Variants in TYR observed in about 807,000 individuals in gnomAD.
The protein encoded by TYR is tyrosinase, also known as LB24-AB.
A neutral mutation model predicts 51.5 loss-of-function variants in TYR; 58 were observed. The observed-to-expected ratio is 1.13, with a 90% CI of 0.91 to 1.40. TYR has a LOEUF of 1.40. Ranked by LOEUF, TYR falls within the 40% of genes most tolerant of loss-of-function variation. The pLI, the probability that TYR is intolerant of heterozygous loss-of-function variation, is 0.00. For synonymous variants in TYR, 263 were observed against 235.2 expected (o/e 1.12, Z -1.08); for missense variants, 732 against 647.4 (o/e 1.13, Z -1.42).
chr11:89,256,209 C>T (rs1944389292), intron 3 of TYR, among the ~76,000 whole-genome samples: 1 of 151,672 alleles, frequency 6.6e-6, no homozygotes, highest in Admixed American at 6.6e-5. Context: ...TATTGAAAAA[C>T]TTACAAATAT....
At chr11:89,219,256 T>G (rs527711431) in intron 2 of TYR, among the ~76,000 whole-genome samples, 2 of 151,844 alleles carry the variant, frequency 1.3e-5, no homozygotes, top group South Asian at 2.1e-4. Context: ...TAAATTAAAC[T>G]TATATCCAAA....
intron 3 of TYR, among the ~76,000 whole-genome samples, chr11:89,271,673 C>A (rs1215454428): frequency 2.0e-5 from 3 of 151,818 alleles, no homozygotes; most frequent in African/African-American, 7.2e-5. Context: ...TTGACTCTTC[C>A]TTTCAAAAAA....
At chr11:89,230,906 TA>T (rs71052219) in intron 3 of TYR, among the ~76,000 whole-genome samples, 706 of 139,134 alleles carry the variant, frequency 5.1e-3, no homozygotes, top group Middle Eastern at 7.5e-3. Context: ...GAGACTATGT[TA>T]AAAAAAAAAA....
intron 3 of TYR, among the ~76,000 whole-genome samples, chr11:89,275,848 G>T (rs561537197): frequency 6.6e-6 from 1 of 151,980 alleles, no homozygotes; most frequent in African/African-American, 2.4e-5. Flanking sequence ...ATTGGCACAA[G>T]AATAGACTAT....
At chr11:89,255,176 G>C (rs1944375340) in intron 3 of TYR, among the ~76,000 whole-genome samples, 2 of 151,650 alleles carry the variant, frequency 1.3e-5, no homozygotes, top group Non-Finnish European at 3.0e-5. Flanking sequence ...GTCTGAGAGA[G>C]TACTTGATAT....
chr11:89,203,878 A>G (rs1026322636), intron 2 of TYR, among the ~76,000 whole-genome samples: 2 of 152,222 alleles, frequency 1.3e-5, no homozygotes, highest in African/African-American at 4.8e-5. Context: ...AAATTCAAAA[A>G]CAGAAAAACT....
intron 3 of TYR, among the ~76,000 whole-genome samples, chr11:89,275,063 A>G (rs570305489): frequency 2.6e-4 from 40 of 151,818 alleles, no homozygotes; most frequent in Non-Finnish European, 5.2e-4. Context: ...CTACTAAGCC[A>G]GTGATGGTCT....
chr11:89,198,644 T>G (rs535064080), intron 2 of TYR, among the ~76,000 whole-genome samples: 1 of 152,256 alleles, frequency 6.6e-6, no homozygotes, highest in African/African-American at 2.4e-5. Context: ...TTGATTAAAC[T>G]AAAGCACCAT....
chr11:89,244,085 T>C lies in TYR; in HGVS notation c.1184+16115T>C, dbSNP rs565974092. Among the ~76,000 whole-genome samples the C allele has an allele frequency of 2.0e-5, 3 of 152,296 alleles. No individual in the cohort carries two copies. In the East Asian group the frequency reaches 5.8e-4, roughly 29 times the overall value. ...TTTTTTGCAACAGATATGTACATTT[T>C]TGCAATAATATCAAAAATAGAGGCT... On this transcript the variant is annotated intron_variant, in intron 3 of 4. Coordinates refer to ENST00000263321, the MANE Select transcript of TYR (RefSeq NM_000372.5).
intron 2 of TYR, among the ~76,000 whole-genome samples, chr11:89,212,080 A>T (rs1342996470): frequency 6.6e-6 from 1 of 151,800 alleles, no homozygotes; most frequent in African/African-American, 2.4e-5. Flanking sequence ...TAGCAGAAGA[A>T]ATAACTAAGA....
chr11:89,195,055 G>A (rs1275987449), intron 2 of TYR, among the ~76,000 whole-genome samples: 1 of 152,124 alleles, frequency 6.6e-6, no homozygotes, highest in Non-Finnish European at 1.5e-5. Flanking sequence ...GGGTGTCTTG[G>A]TCTATAAGGA....
chr11:89,211,338 A>C (rs148227795), intron 2 of TYR, among the ~76,000 whole-genome samples: 1 of 152,048 alleles, frequency 6.6e-6, no homozygotes, highest in Non-Finnish European at 1.5e-5. Flanking sequence ...ACTAACAAAA[A>C]TCAAAAGAAA....
At chr11:89,247,481 T>C (rs1364389436) in intron 3 of TYR, among the ~76,000 whole-genome samples, 5 of 152,208 alleles carry the variant, frequency 3.3e-5, no homozygotes, top group Admixed American at 2.6e-4. Context: ...CTAAAGAATG[T>C]TCCTACAACA....
At chr11:89,210,826 T>A (rs1326245756) in intron 2 of TYR, among the ~76,000 whole-genome samples, 1 of 149,400 alleles carries the variant, frequency 6.7e-6, no homozygotes, top group East Asian at 2.0e-4. Context: ...CATTCTTAAA[T>A]AATTTTCAAC....
rs575793040 is a variant in TYR at position 89,247,365 on chromosome 11, C to T, written c.1184+19395C>T. ...TGATAACTCTGAGGCAGGCAGGCAT[C>T]GACTGGGTTATCAGTAGCATTTTGT... On this transcript the variant is annotated intron_variant, in intron 3 of 4. Coordinates refer to ENST00000263321, the MANE Select transcript of TYR (RefSeq NM_000372.5). Among the ~76,000 whole-genome samples, 7 of 152,230 alleles carry T rather than the reference C, an allele frequency of 4.6e-5. No individual in the cohort carries two copies. In the South Asian group the frequency reaches 1.0e-3, roughly 23 times the overall value.
At chr11:89,218,482 T>A (rs1450376678) in intron 2 of TYR, among the ~76,000 whole-genome samples, 1 of 152,118 alleles carries the variant, frequency 6.6e-6, no homozygotes, top group Non-Finnish European at 1.5e-5. Context: ...AACCAAATAT[T>A]TCTTGTCAAA....
chr11:89,261,426 A>G (rs1307789018), intron 3 of TYR, among the ~76,000 whole-genome samples: 2 of 152,166 alleles, frequency 1.3e-5, no homozygotes, highest in African/African-American at 4.8e-5. Flanking sequence ...CTAATACCAG[A>G]CAAAACAGAC....
rs753325420 is a variant in TYR, at chr11:89,295,113, T to C, written c.1367-30T>C. On this transcript the variant is annotated intron_variant, in intron 4 of 4. Transcript: ENST00000263321. ...GTGATCGTAACAATGGTGGTAACAA[T>C]AAAAACAATGGGATGTCTTTTTATT... 27 of 1,611,302 alleles carry C rather than the reference T, an allele frequency of 1.7e-5. No individual in the cohort carries two copies. The Admixed American group carries it at 4.2e-4, about 25-fold the overall frequency.
chr11:89,243,507 C>T lies in TYR; in HGVS notation c.1184+15537C>T, dbSNP rs148888133. Among the ~76,000 whole-genome samples the T allele has an allele frequency of 1.5e-3, 224 of 152,264 alleles. 1 individual carries two copies. Among genetic ancestry groups the T allele is most frequent in the African/African-American group, 5.1e-3 (213 of 41,558 alleles). ...CTAACCTTTTATGTCAAGCTTAAGA[C>T]ATTGTATTAGAATTGTATTATTATG... On this transcript the variant is annotated intron_variant, in intron 3 of 4. Coordinates refer to ENST00000263321, the MANE Select transcript of TYR (RefSeq NM_000372.5).
Sources: gnomAD v4.1 joint callset for allele counts (sites outside exome capture counted in the v4.1 genomes callset) on GRCh38, gnomAD v4.1.1 for gene constraint, MANE v1.5 for transcripts, NCBI Gene and HGNC (gene_info 2026-07-23, HGNC 2026-07-21) for gene names.